Variants in MCC observed in about 807,000 individuals in gnomAD.
MCC encodes the protein MCC regulator of Wnt signaling pathway, also known as colorectal mutant cancer protein.
A neutral mutation model predicts 116.2 loss-of-function variants in MCC; 90 were observed. The ratio of observed to expected loss-of-function variants is 0.77; its 90% CI spans 0.65 to 0.92. MCC has a LOEUF of 0.92. MCC is among the 40% of genes least tolerant of loss of function. The pLI is 0.00. For synonymous variants in MCC, 578 were observed against 510.5 expected (o/e 1.13, Z -1.78); for missense variants, 1,516 against 1,312.2 (o/e 1.16, Z -2.40).
intron 1 of MCC, among the ~76,000 whole-genome samples, chr5:113,430,979 A>C (rs1438434559): frequency 6.6e-6 from 1 of 152,216 alleles, no homozygotes; most frequent in Non-Finnish European, 1.5e-5. Flanking sequence ...TGTGTACGGT[A>C]GGAAGAGCAA....
At chr5:113,379,773 C>T (rs1388200402) in intron 2 of MCC, among the ~76,000 whole-genome samples, 1 of 151,968 alleles carries the variant, frequency 6.6e-6, no homozygotes, top group Non-Finnish European at 1.5e-5. Context: ...TAATTTTCAC[C>T]CAAAGAACTT....
At chr5:113,182,933 G>C (rs11951222) in intron 3 of MCC, among the ~76,000 whole-genome samples, 1,734 of 152,354 alleles carry the variant, frequency 0.011, 35 homozygotes, top group African/African-American at 0.038. Flanking sequence ...CAGCACAGGA[G>C]AGTTCAGTGC....
At chr5:113,078,144 G>A (rs908759782) in intron 11 of MCC, among the ~76,000 whole-genome samples, 7 of 152,200 alleles carry the variant, frequency 4.6e-5, no homozygotes, top group African/African-American at 1.7e-4. Flanking sequence ...AACAGGTTCT[G>A]AAATTGAGGC....
chr5:113,376,373 A>G (rs1450799554), intron 2 of MCC, among the ~76,000 whole-genome samples: 1 of 152,218 alleles, frequency 6.6e-6, no homozygotes, highest in Non-Finnish European at 1.5e-5. Flanking sequence ...TTTGCCCAAC[A>G]TGCATAATTG....
chr5:113,365,583 A>G (rs921849059), intron 2 of MCC, among the ~76,000 whole-genome samples: 1 of 152,228 alleles, frequency 6.6e-6, no homozygotes, highest in African/African-American at 2.4e-5. Context: ...ATTTTCAGGT[A>G]TCTTTATAGC....
chr5:113,137,543 A>G (rs1271878251), intron 5 of MCC, among the ~76,000 whole-genome samples: 4 of 152,100 alleles, frequency 2.6e-5, no homozygotes, highest in Non-Finnish European at 5.9e-5. Context: ...GGTGAATCCC[A>G]CTCGATCATG....
chr5:113,432,031 G>C (rs992714254), intron 1 of MCC, among the ~76,000 whole-genome samples: 3 of 152,224 alleles, frequency 2.0e-5, no homozygotes, highest in African/African-American at 7.2e-5. Context: ...AGCTACTTGG[G>C]AGGCTGAGGC....
chr5:113,319,574 T>C (rs770434715), intron 3 of MCC, among the ~76,000 whole-genome samples: 7 of 152,180 alleles, frequency 4.6e-5, no homozygotes, highest in Non-Finnish European at 5.9e-5. Context: ...AAGGGAGTGA[T>C]TGGATCTAAT....
At chr5:113,380,902 G>A (rs143102519) in intron 2 of MCC, among the ~76,000 whole-genome samples, 2 of 152,348 alleles carry the variant, frequency 1.3e-5, no homozygotes, top group African/African-American at 4.8e-5. Flanking sequence ...GGAGCAAGAT[G>A]AGATCAACTC....
intron 3 of MCC, among the ~76,000 whole-genome samples, chr5:113,335,172 T>C (rs1231051692): frequency 2.0e-5 from 3 of 151,692 alleles, no homozygotes; most frequent in Non-Finnish European, 2.9e-5. Context: ...ATGATTGTAG[T>C]GTGTTAAGAC....
intron 3 of MCC, among the ~76,000 whole-genome samples, chr5:113,245,230 T>C (rs1464803527): frequency 6.7e-6 from 1 of 148,850 alleles, no homozygotes; most frequent in Non-Finnish European, 1.5e-5. Flanking sequence ...AGGCAGAAGT[T>C]GCAGTAAGCC....
intron 3 of MCC, among the ~76,000 whole-genome samples, chr5:113,261,372 G>A (rs751450261): frequency 1.3e-5 from 2 of 152,136 alleles, no homozygotes; most frequent in Non-Finnish European, 2.9e-5. Context: ...TCATAAATCT[G>A]TAAAATGCTC....
chr5:113,203,022 C>A (rs1714933283), intron 3 of MCC, among the ~76,000 whole-genome samples: 1 of 152,146 alleles, frequency 6.6e-6, no homozygotes, highest in Non-Finnish European at 1.5e-5. Flanking sequence ...ACTTCTGAGC[C>A]ACCAAGCCAG....
intron 3 of MCC, among the ~76,000 whole-genome samples, chr5:113,190,000 G>A (rs878894982): frequency 6.6e-6 from 1 of 152,178 alleles, no homozygotes; most frequent in Admixed American, 6.5e-5. Flanking sequence ...AGGGGCCTGT[G>A]TCCGCCTGAA....
chr5:113,455,341 T>G (rs543261431), intron 1 of MCC, among the ~76,000 whole-genome samples: 2 of 152,186 alleles, frequency 1.3e-5, no homozygotes, highest in African/African-American at 2.4e-5. Flanking sequence ...TAGGGCTCCC[T>G]GAAGACAAGA....
At chr5:113,204,216 A>C (rs1277806598) in intron 3 of MCC, among the ~76,000 whole-genome samples, 1 of 152,222 alleles carries the variant, frequency 6.6e-6, no homozygotes, top group East Asian at 1.9e-4. Flanking sequence ...AAGAAGGCCA[A>C]GGCATACTTA....
chr5:113,301,965 T>G (rs1257413352), intron 3 of MCC, among the ~76,000 whole-genome samples: 1 of 152,166 alleles, frequency 6.6e-6, no homozygotes. Flanking sequence ...CAGTTTACAT[T>G]TTTAAAAGGT....
rs75600511 is a variant in MCC at position 113,288,059 on chromosome 5, C to A, written c.627+52460G>T. Among the ~76,000 whole-genome samples, 623 of 152,362 alleles carry A rather than the reference C, an allele frequency of 4.1e-3. 5 individuals are homozygous for A. Among genetic ancestry groups the A allele is most frequent in the African/African-American group, 0.014 (576 of 41,590 alleles). ...TTCCACCTGGTTCCAGCCAAACGAA[C>A]CATCTCTGTGGCTTGATCTACTGCA... On this transcript the variant is annotated intron_variant, in intron 3 of 18. Transcript: ENST00000408903.
At chr5:113,121,612 C>T (rs1014134577) in intron 6 of MCC, among the ~76,000 whole-genome samples, 1 of 152,210 alleles carries the variant, frequency 6.6e-6, no homozygotes, top group African/African-American at 2.4e-5. Context: ...GATACACTCT[C>T]ATAGTACTGT....
Sources: gnomAD v4.1 joint callset for allele counts (sites outside exome capture counted in the v4.1 genomes callset) on GRCh38, gnomAD v4.1.1 for gene constraint, MANE v1.5 for transcripts, NCBI Gene and HGNC (gene_info 2026-07-23, HGNC 2026-07-21) for gene names.